The following CNGB3 variants were observed in gnomAD, a reference collection of about 807,000 sequenced individuals.
CNGB3 encodes cyclic nucleotide-gated channel beta-3.
CNGB3 carries 86 observed loss-of-function variants against 92.8 expected under a neutral mutation model. That is an observed-to-expected ratio of 0.93 (90% confidence interval 0.78 to 1.11). The LOEUF (loss-of-function observed/expected upper bound fraction) is 1.11. Among genes scored for constraint, CNGB3 ranks in the 50% least tolerant of loss-of-function variants. The pLI, the probability that CNGB3 is intolerant of heterozygous loss-of-function variation, is 0.00. For synonymous variants in CNGB3, 333 were observed against 332.7 expected, an observed-to-expected ratio of 1.00 and a Z score of -0.01; for missense variants, 1,026 against 956.8, an observed-to-expected ratio of 1.07 and a Z score of -0.95.
At chr8:86,609,819 T>TA (rs1318219068) in intron 14 of CNGB3, among the ~76,000 whole-genome samples, 1 of 151,812 alleles carries the variant, frequency 6.6e-6, no homozygotes, top group African/African-American at 2.4e-5. Context: ...CAAGTCTTCA[T>TA]AAAAAATGCC....
intron 11 of CNGB3, among the ~76,000 whole-genome samples, chr8:86,630,013 A>G (rs1249302947): frequency 2.0e-5 from 3 of 152,104 alleles, no homozygotes; most frequent in Admixed American, 2.0e-4. Flanking sequence ...TTATGGAAAA[A>G]CGACTCATTC....
At chr8:86,593,852 T>C (rs1585955888) in intron 15 of CNGB3, 1 of 828,074 alleles carries the variant, frequency 1.2e-6, no homozygotes, top group Non-Finnish European at 2.0e-6. Flanking sequence ...ATTGAACTCC[T>C]GGACCCCGGG....
At chr8:86,612,392 A>G (rs1056816119) in intron 13 of CNGB3, among the ~76,000 whole-genome samples, 1 of 152,184 alleles carries the variant, frequency 6.6e-6, no homozygotes, top group African/African-American at 2.4e-5. Context: ...TTTTGCTTTC[A>G]ACAAATATAT....
At chr8:86,606,571 A>G (rs1177587284) in intron 14 of CNGB3, among the ~76,000 whole-genome samples, 1 of 152,242 alleles carries the variant, frequency 6.6e-6, no homozygotes, top group Admixed American at 6.5e-5. Flanking sequence ...ATGTCTTTGC[A>G]TATTACTTTA....
intron 12 of CNGB3, among the ~76,000 whole-genome samples, 173 bp from the exon 13 acceptor site, chr8:86,626,253 TATTACAATAACA>T (rs1157100658): frequency 3.9e-4 from 59 of 152,334 alleles, no homozygotes; most frequent in Admixed American, 1.8e-3. Flanking sequence ...CCTCCATACC[TATTACAATAACA>T]CTATTATGCT....
At chr8:86,676,272 G>A (rs1354170619) in intron 3 of CNGB3, among the ~76,000 whole-genome samples, 3 of 152,284 alleles carry the variant, frequency 2.0e-5, no homozygotes, top group East Asian at 3.9e-4. Context: ...GTGATCTGCG[G>A]TGAGTTTACA....
chr8:86,622,403 T>C (rs912003900), intron 13 of CNGB3, among the ~76,000 whole-genome samples: 6 of 147,052 alleles, frequency 4.1e-5, no homozygotes, highest in African/African-American at 1.0e-4. Flanking sequence ...GAAAATGGAG[T>C]AATAATTTAC....
At chr8:86,602,920 G>A (rs989539852) in intron 15 of CNGB3, among the ~76,000 whole-genome samples, 19 of 152,142 alleles carry the variant, frequency 1.2e-4, no homozygotes, top group Admixed American at 1.2e-3. Context: ...TCTGGGTCTT[G>A]CTCACCTATT....
intron 3 of CNGB3, 95 bp from the exon 4 acceptor site, chr8:86,671,193 A>T (rs944122269): frequency 7.2e-7 from 1 of 1,385,880 alleles, no homozygotes; most frequent in African/African-American, 1.4e-5. Context: ...TATATTCAAG[A>T]TTATTAACTT....
intron 10 of CNGB3, among the ~76,000 whole-genome samples, chr8:86,640,245 A>T (rs959572160): frequency 6.6e-6 from 1 of 152,038 alleles, no homozygotes; most frequent in Non-Finnish European, 1.5e-5. Flanking sequence ...TATTGGGTGC[A>T]TACACATTTA....
At chr8:86,693,413 A>AT (rs71503463) in intron 3 of CNGB3, among the ~76,000 whole-genome samples, 12 of 121,926 alleles carry the variant, frequency 9.8e-5, no homozygotes, top group Admixed American at 3.2e-4. Flanking sequence ...AACTTTGTTC[A>AT]TTTTTTTTTA....
chr8:86,593,941 G>T, intron 15 of CNGB3: 1 of 537,872 alleles, frequency 1.9e-6, no homozygotes, highest in South Asian at 1.7e-5. Flanking sequence ...AGTGGAATCG[G>T]ATCCTGTAGG....
At position 86,702,864 on chromosome 8, in the gene CNGB3, T is replaced by C. The variant is rs527360550; in HGVS notation, c.338+23667A>G. Among the ~76,000 whole-genome samples the C allele has an allele frequency of 1.1e-4, 17 of 152,166 alleles. No homozygotes were observed. The South Asian group carries it at 2.3e-3, about 20-fold the overall frequency. On this transcript the variant is annotated intron_variant, in intron 3 of 17. Transcript: ENST00000320005. ...CCGTTTTTCATGTCTTCTTCTATTT[T>C]TTAAAATAGGAGAGTTTTTATTTTG...
intron 13 of CNGB3, among the ~76,000 whole-genome samples, chr8:86,621,498 T>G (rs1288190475): frequency 1.3e-5 from 2 of 152,192 alleles, no homozygotes; most frequent in Non-Finnish European, 2.9e-5. Flanking sequence ...CAATAGTTTT[T>G]GGGGAACAAG....
chr8:86,653,880 G>T, intron 7 of CNGB3, 132 bp downstream of exon 7: 4 of 706,270 alleles, frequency 5.7e-6, no homozygotes, highest in Non-Finnish European at 7.7e-6. Context: ...TTGAGAGGCA[G>T]AAACTTCAGG....
chr8:86,616,103 G>T (rs529306753), intron 13 of CNGB3, among the ~76,000 whole-genome samples: 235 of 152,254 alleles, frequency 1.5e-3, no homozygotes, highest in African/African-American at 5.3e-3. Context: ...TTCTTGGCAG[G>T]AATACACACA....
intron 15 of CNGB3, among the ~76,000 whole-genome samples, chr8:86,600,107 C>G (rs1184951945): frequency 2.0e-5 from 3 of 152,142 alleles, no homozygotes; most frequent in Non-Finnish European, 4.4e-5. Flanking sequence ...TAGAAAAGAA[C>G]CTACATGAAA....
rs773372519 is a variant in CNGB3, at chr8:86,644,689, A to C, written c.991-3T>G. 1.6e-5 allele frequency: 24 copies of C among 1,523,860 alleles called. No individual in the cohort carries two copies. The highest frequency in any genetic ancestry group is 2.0e-5 in the Non-Finnish European group (23 of 1,132,686). 94.4% of individuals were successfully genotyped at this position (1,523,860 alleles called of 1,614,324 possible). A position where few individuals can be genotyped will look rare whatever the true frequency, so the allele number is the denominator to read the frequency against. On this transcript the variant is annotated splice_region_variant and splice_polypyrimidine_tract_variant and intron_variant, in intron 8 of 17. Coordinates refer to ENST00000320005, the MANE Select transcript of CNGB3 (RefSeq NM_019098.5). The stretch of plus-strand genomic sequence containing the variant: ...TTAAATTCAAAAAATGAAGTGTACT[A>C]TATAGAAAAGCAAAAGAAATCCAAA...
At chr8:86,622,774 A>T (rs979361279) in intron 13 of CNGB3, among the ~76,000 whole-genome samples, 1 of 152,188 alleles carries the variant, frequency 6.6e-6, no homozygotes, top group African/African-American at 2.4e-5. Flanking sequence ...GTTGACGTTA[A>T]TCTTGTTGGC....
Sources: gnomAD v4.1 joint callset for allele counts (sites outside exome capture counted in the v4.1 genomes callset) on GRCh38, gnomAD v4.1.1 for gene constraint, MANE v1.5 for transcripts, NCBI Gene and HGNC (gene_info 2026-07-23, HGNC 2026-07-21) for gene names.